The following TBC1D5 variants were observed in gnomAD, a reference collection of about 807,000 sequenced individuals.
TBC1D5 encodes TBC1 domain family, member 5.
In TBC1D5, 75 loss-of-function variants were observed where a neutral mutation model predicts 100.3. The observed-to-expected ratio is 0.75, with a 90% CI of 0.62 to 0.91. The LOEUF is 0.91. Among genes scored for constraint, TBC1D5 ranks in the 40% least tolerant of loss-of-function variants. The probability of loss-of-function intolerance (pLI) is 0.00; values close to 1 mark genes in which losing one functional copy is unlikely to be tolerated. For synonymous variants in TBC1D5, 323 were observed against 325.6 expected, an observed-to-expected ratio of 0.99 and a Z score of 0.09; for missense variants, 910 against 942.4, an observed-to-expected ratio of 0.97 and a Z score of 0.45.
At chr3:17,737,222 C>T (rs1448396115) in intron 1 of TBC1D5, among the ~76,000 whole-genome samples, 1 of 152,072 alleles carries the variant, frequency 6.6e-6, no homozygotes, top group Non-Finnish European at 1.5e-5. Flanking sequence ...GGGCTTACTT[C>T]TCACTGGTCT....
exon 19 of TBC1D5, chr3:17,185,156 A>T: frequency 1.9e-6 from 3 of 1,613,762 alleles, no homozygotes; most frequent in Middle Eastern, 1.7e-4. Flanking sequence ...CATGGCATCC[A>T]GGTCATTCAA....
chr3:17,430,209 T>C (rs190322866), intron 3 of TBC1D5, among the ~76,000 whole-genome samples: 1 of 151,908 alleles, frequency 6.6e-6, no homozygotes, highest in Admixed American at 6.5e-5. Context: ...CTTGCAGACA[T>C]TTCCTGTGAA....
At chr3:17,719,343 A>T (rs2075504393) in intron 1 of TBC1D5, among the ~76,000 whole-genome samples, 1 of 152,174 alleles carries the variant, frequency 6.6e-6, no homozygotes, top group Non-Finnish European at 1.5e-5. Context: ...CACAAAAATC[A>T]CCCAGTAAAA....
chr3:17,317,139 TTAGCAACATATAATTAGAA>T (rs1487137339), intron 13 of TBC1D5, among the ~76,000 whole-genome samples: 1 of 152,146 alleles, frequency 6.6e-6, no homozygotes, highest in African/African-American at 2.4e-5. Context: ...AATGGCAACA[TTAGCAACATATAATTAGAA>T]TAGCAACATA....
intron 13 of TBC1D5, among the ~76,000 whole-genome samples, chr3:17,364,362 G>C (rs1436840478): frequency 2.0e-5 from 3 of 151,876 alleles, no homozygotes; most frequent in Non-Finnish European, 4.4e-5. Context: ...CACATGCCAG[G>C]TTCAGTTTAG....
At chr3:17,593,593 C>T (rs138477800) in intron 2 of TBC1D5, among the ~76,000 whole-genome samples, 10 of 152,308 alleles carry the variant, frequency 6.6e-5, no homozygotes, top group East Asian at 1.9e-4. Flanking sequence ...CTATCCTGCA[C>T]GCAATGCTTC....
chr3:17,319,434 G>T (rs1314964289), intron 13 of TBC1D5, among the ~76,000 whole-genome samples: 2 of 105,790 alleles, frequency 1.9e-5, no homozygotes, highest in African/African-American at 7.0e-5. Flanking sequence ...CTAATTTATA[G>T]GTTTTTTTTT....
intron 21 of TBC1D5, among the ~76,000 whole-genome samples, chr3:17,163,672 A>G: frequency 6.6e-6 from 1 of 152,288 alleles, no homozygotes. Flanking sequence ...GAAGCAGGTG[A>G]GCCCAACTAT....
chr3:17,485,750 A>G (rs1452642794), intron 3 of TBC1D5, among the ~76,000 whole-genome samples: 3 of 151,892 alleles, frequency 2.0e-5, no homozygotes, highest in Non-Finnish European at 2.9e-5. Flanking sequence ...ATTGTTGGAC[A>G]TTTGGGTTGG....
intron 13 of TBC1D5, among the ~76,000 whole-genome samples, chr3:17,335,592 T>C (rs1205840837): frequency 1.3e-5 from 2 of 152,174 alleles, no homozygotes; most frequent in African/African-American, 4.8e-5. Context: ...TACCGACTTG[T>C]ACACTTAATC....
intron 2 of TBC1D5, among the ~76,000 whole-genome samples, chr3:17,581,096 T>G (rs1391256577): frequency 1.3e-5 from 2 of 152,136 alleles, no homozygotes; most frequent in East Asian, 3.9e-4. Context: ...GTTCTCGTGA[T>G]AGTGAGTAAG....
At chr3:17,696,088 A>T (rs1453892662) in intron 1 of TBC1D5, among the ~76,000 whole-genome samples, 1 of 152,236 alleles carries the variant, frequency 6.6e-6, no homozygotes, top group Non-Finnish European at 1.5e-5. Context: ...TCTCTGGGAC[A>T]TATTTAAAGC....
intron 1 of TBC1D5, among the ~76,000 whole-genome samples, chr3:17,629,452 A>G (rs2063319985): frequency 6.6e-6 from 1 of 152,212 alleles, no homozygotes. Context: ...ATTCTTTAGT[A>G]TAAAATAAAG....
At chr3:17,523,444 G>C (rs995325826) in intron 2 of TBC1D5, among the ~76,000 whole-genome samples, 1 of 152,114 alleles carries the variant, frequency 6.6e-6, no homozygotes, top group Non-Finnish European at 1.5e-5. Flanking sequence ...AGGTCAAGGG[G>C]TAAATACAGG....
chr3:17,404,834 G>A, intron 6 of TBC1D5, 38 bp downstream of exon 6: 3 of 1,565,488 alleles, frequency 1.9e-6, no homozygotes, highest in Non-Finnish European at 2.6e-6. Flanking sequence ...GTGTACATAA[G>A]AAAACAATTA....
At chr3:17,211,501 T>C (rs777737437) in intron 18 of TBC1D5, among the ~76,000 whole-genome samples, 7 of 152,232 alleles carry the variant, frequency 4.6e-5, no homozygotes, top group Non-Finnish European at 1.0e-4. Context: ...AGTCTTTTGC[T>C]GACATAGGGA....
At chr3:17,605,891 T>TGAA (rs2061307001) in intron 2 of TBC1D5, among the ~76,000 whole-genome samples, 1 of 152,180 alleles carries the variant, frequency 6.6e-6, no homozygotes, top group Non-Finnish European at 1.5e-5. Context: ...CATACAAAGA[T>TGAA]GAAGACCCAT....
intron 16 of TBC1D5, among the ~76,000 whole-genome samples, chr3:17,255,992 C>T (rs1335185919): frequency 6.6e-6 from 1 of 152,108 alleles, no homozygotes; most frequent in Admixed American, 6.5e-5. Flanking sequence ...GCCGAGATTG[C>T]GCCACTGCAC....
At chr3:17,172,720 C>T (rs1334340619) in intron 19 of TBC1D5, among the ~76,000 whole-genome samples, 3 of 152,204 alleles carry the variant, frequency 2.0e-5, no homozygotes, top group African/African-American at 7.2e-5. Context: ...AAAAATAGAT[C>T]TCGAACTCTC....
Sources: allele counts gnomAD v4.1 joint callset (sites outside exome capture counted in the v4.1 genomes callset), GRCh38; gene constraint gnomAD v4.1.1; transcripts MANE v1.5; gene names NCBI Gene and HGNC (gene_info 2026-07-23, HGNC 2026-07-21).